The following MAD1L1 variants were observed in gnomAD, a reference collection of about 807,000 sequenced individuals.
MAD1L1 encodes mitotic arrest deficient 1 like 1.
Under a neutral mutation model 96.9 loss-of-function variants are expected in MAD1L1, and 95 were observed. That is an observed-to-expected ratio of 0.98 (90% confidence interval 0.83 to 1.16). MAD1L1 has a LOEUF of 1.16. Among genes scored for constraint, MAD1L1 ranks in the 50% most tolerant of loss-of-function variants. The probability of loss-of-function intolerance (pLI) is 0.00; values close to 1 mark genes in which losing one functional copy is unlikely to be tolerated. For synonymous variants in MAD1L1, 473 were observed against 396.6 expected (o/e 1.19, Z -2.29); for missense variants, 1,007 against 954.4 (o/e 1.06, Z -0.73).
chr7:2,114,743 C>T lies in MAD1L1; in HGVS notation c.1073+34409G>A, dbSNP rs955537517. Among the ~76,000 whole-genome samples the T allele has an allele frequency of 6.6e-6, 1 of 152,238 alleles. No homozygotes were observed. The highest frequency in any genetic ancestry group is 2.4e-5 in the African/African-American group (1 of 41,464). ...ATACGAATCGCCGCTGCCGCTCTCA[C>T]AGCACGATGGCAGAGTTCAGCGTCT... On this transcript the variant is annotated intron_variant, in intron 11 of 18. Transcript: ENST00000265854. This position sits in a 1 kb window ranked among gnomAD's most constrained non-coding sequence, Gnocchi z 4.2.
chr7:2,100,162 C>T (rs544263501), intron 11 of MAD1L1, among the ~76,000 whole-genome samples: 35 of 152,328 alleles, frequency 2.3e-4, no homozygotes, highest in African/African-American at 7.5e-4. Flanking sequence ...CACTGCTTTA[C>T]GACGGCCAGC....
chr7:2,025,969 A>C (rs1433400014), intron 12 of MAD1L1, among the ~76,000 whole-genome samples: 2 of 152,226 alleles, frequency 1.3e-5, no homozygotes, highest in Non-Finnish European at 2.9e-5. Context: ...TAAGATGGTT[A>C]ATTTCAATGC....
At chr7:1,921,993 A>G (rs1001034981) in intron 17 of MAD1L1, among the ~76,000 whole-genome samples, 2 of 152,274 alleles carry the variant, frequency 1.3e-5, no homozygotes, top group African/African-American at 4.8e-5. Flanking sequence ...GAATTAACAG[A>G]TAAGAGAGAA....
chr7:2,155,025 G>T (rs560512315), intron 10 of MAD1L1, among the ~76,000 whole-genome samples: 3 of 152,332 alleles, frequency 2.0e-5, no homozygotes, highest in African/African-American at 7.2e-5. Context: ...CACAGGGGTG[G>T]ACTGTGAGCT....
chr7:1,994,560 G>T (rs530996498), intron 14 of MAD1L1, among the ~76,000 whole-genome samples: 1 of 152,312 alleles, frequency 6.6e-6, no homozygotes, highest in East Asian at 1.9e-4. Flanking sequence ...CAGCAGGAAG[G>T]AGGTGGGCCC....
chr7:2,180,415 G>A lies in MAD1L1; in HGVS notation c.987-31177C>T, dbSNP rs947475064. ...CTGAGACTGGCCTTTGCTTAAGACCGAGCATCTAGCCTAAAGCATGCCGAA... is the reference window on the plus strand; with the variant it reads ...CTGAGACTGGCCTTTGCTTAAGACCAAGCATCTAGCCTAAAGCATGCCGAA... On this transcript the variant is annotated intron_variant, in intron 10 of 18. Transcript: ENST00000265854. 3.9e-5 allele frequency among the ~76,000 whole-genome samples: 6 copies of A among 152,200 alleles called. No homozygotes were observed. In the East Asian group the frequency reaches 5.8e-4, roughly 15 times the overall value.
At chr7:1,874,585 C>A (rs769222438) in intron 18 of MAD1L1, 9 of 451,858 alleles carry the variant, frequency 2.0e-5, no homozygotes, top group South Asian at 1.4e-4. Flanking sequence ...TGGCTCTCAC[C>A]TATCAGCATT....
chr7:2,040,126 C>T (rs1257493307), intron 12 of MAD1L1, among the ~76,000 whole-genome samples: 5 of 152,150 alleles, frequency 3.3e-5, no homozygotes, highest in Non-Finnish European at 5.9e-5. Flanking sequence ...AGGAATACTA[C>T]GAACAGCTGC....
At chr7:1,955,129 T>G (rs1779670078) in intron 16 of MAD1L1, among the ~76,000 whole-genome samples, 1 of 152,222 alleles carries the variant, frequency 6.6e-6, no homozygotes, top group African/African-American at 2.4e-5. Context: ...AGCTGTGAAC[T>G]AATTACAAAA....
intron 11 of MAD1L1, among the ~76,000 whole-genome samples, chr7:2,127,408 C>T (rs575501750): frequency 3.9e-5 from 6 of 152,336 alleles, no homozygotes; most frequent in Admixed American, 2.0e-4. Flanking sequence ...AGCACACTTG[C>T]TCCAGAGGGG....
At chr7:2,141,703 G>A (rs1004158727) in intron 11 of MAD1L1, among the ~76,000 whole-genome samples, 9 of 152,118 alleles carry the variant, frequency 5.9e-5, no homozygotes, top group Non-Finnish European at 1.5e-5. Flanking sequence ...GAGGCCCCAC[G>A]AGGAGGTTCT....
At chr7:2,110,367 G>A (rs902288422) in intron 11 of MAD1L1, among the ~76,000 whole-genome samples, 1 of 152,214 alleles carries the variant, frequency 6.6e-6, no homozygotes, top group Non-Finnish European at 1.5e-5. Flanking sequence ...TGTTCCCTTG[G>A]CGCCTCGAGG....
intron 17 of MAD1L1, among the ~76,000 whole-genome samples, chr7:1,904,004 ACG>A (rs1787449282): frequency 3.2e-5 from 4 of 124,624 alleles, no homozygotes; most frequent in African/African-American, 5.6e-5. Flanking sequence ...GGCAGCGAGG[ACG>A]CAGTGGCCTA....
chr7:1,884,777 T>A (rs1051696706), intron 18 of MAD1L1, among the ~76,000 whole-genome samples: 1 of 152,208 alleles, frequency 6.6e-6, no homozygotes, highest in Non-Finnish European at 1.5e-5. Context: ...TCCTGTCTGC[T>A]GTCCCACAGG....
At chr7:1,960,055 A>G (rs1011387384) in intron 15 of MAD1L1, among the ~76,000 whole-genome samples, 5 of 152,204 alleles carry the variant, frequency 3.3e-5, no homozygotes, top group Admixed American at 6.5e-5. Flanking sequence ...AAAAACCAAC[A>G]CTGTGGCTGT....
intron 17 of MAD1L1, among the ~76,000 whole-genome samples, chr7:1,935,919 G>C (rs1243160779): frequency 1.3e-5 from 2 of 152,248 alleles, no homozygotes; most frequent in African/African-American, 2.4e-5. Context: ...CTGCTGCTAA[G>C]GGCTGGACAG....
intron 17 of MAD1L1, among the ~76,000 whole-genome samples, chr7:1,910,273 G>C (rs140459156): frequency 0.014 from 2,170 of 152,266 alleles, 47 homozygotes; most frequent in African/African-American, 0.049. Flanking sequence ...ATTGGCCCCC[G>C]TGTCAGTGAT....
Position 2,057,263 on chromosome 7 carries a change from T to C in MAD1L1, c.1218+11931A>G, listed in dbSNP as rs61656075. Among the ~76,000 whole-genome samples, 774 of 152,322 alleles carry C rather than the reference T, an allele frequency of 5.1e-3. 6 individuals carry two copies. The highest frequency in any genetic ancestry group is 0.018 in the African/African-American group (737 of 41,578). On this transcript the variant is annotated intron_variant, in intron 12 of 18. Coordinates refer to ENST00000265854, the MANE Select transcript of MAD1L1 (RefSeq NM_001013836.2). Reference sequence around the variant, plus strand: ...GGGAATGACCGAGCGCGGTGCCTCATGCCTGTAATCCCAGCACGTCGGGAA... The same window carrying C: ...GGGAATGACCGAGCGCGGTGCCTCACGCCTGTAATCCCAGCACGTCGGGAA...
At chr7:2,010,637 C>T (rs1403624793) in intron 13 of MAD1L1, among the ~76,000 whole-genome samples, 1 of 152,202 alleles carries the variant, frequency 6.6e-6, no homozygotes, top group East Asian at 1.9e-4. Context: ...ACACTGTTTT[C>T]CTGCAACGTC....
Sources: gnomAD v4.1 joint callset for allele counts (sites outside exome capture counted in the v4.1 genomes callset) on GRCh38, gnomAD v4.1.1 for gene constraint, Gnocchi (gnomAD v3.1) non-coding constraint, MANE v1.5 for transcripts, NCBI Gene and HGNC (gene_info 2026-07-23, HGNC 2026-07-21) for gene names.